MANSC1: variants seen among roughly 807,000 people sequenced by gnomAD.
The protein encoded by MANSC1 is MANSC domain-containing protein 1.
In MANSC1, 13 loss-of-function variants were observed where a neutral mutation model predicts 14.1. That is an observed-to-expected ratio of 0.92 (90% CI 0.60 to 1.46). MANSC1 has a LOEUF of 1.46. Among genes scored for constraint, MANSC1 ranks in the 40% most tolerant of loss-of-function variants. The pLI is 0.00. For synonymous variants in MANSC1, 227 were observed against 200.7 expected (o/e 1.13, Z -1.11); for missense variants, 486 against 511.4 (o/e 0.95, Z 0.48).
At chr12:12,333,266 T>C (rs1050978443) in intron 3 of MANSC1, among the ~76,000 whole-genome samples, 2 of 151,868 alleles carry the variant, frequency 1.3e-5, no homozygotes, top group African/African-American at 4.8e-5. Flanking sequence ...AGGCTGGTCT[T>C]GAACTCCTGG....
At position 12,328,143 on chromosome 12, in the gene MANSC1, T is replaced by A. The variant is rs1395701822; in HGVS notation, c.*1884A>T. On this transcript the variant is annotated 3_prime_UTR_variant, in exon 4 of 4. Transcript: ENST00000535902. ...GAGGTATCAAACTGACCCAGGGGAC[T>A]TCTGGACTCTTTGTTACCTCACCTA... is the stretch of plus-strand genomic sequence containing the variant. 1 of 150,578 alleles carries A rather than the reference T, an allele frequency of 6.6e-6. No homozygotes were observed. Among genetic ancestry groups the A allele is most frequent in the Non-Finnish European group, 1.5e-5 (1 of 67,358 alleles). The allele number at this position is 150,578 out of a possible 1,614,324, so 9.3% of individuals were successfully genotyped here.
chr12:12,336,207 C>T (rs1862857466), intron 3 of MANSC1, among the ~76,000 whole-genome samples: 1 of 152,138 alleles, frequency 6.6e-6, no homozygotes, highest in Admixed American at 6.6e-5. Flanking sequence ...CTGGCCCTCC[C>T]CACCGTTTTG....
intron 3 of MANSC1, among the ~76,000 whole-genome samples, chr12:12,333,899 A>T (rs1862824052): frequency 6.6e-6 from 1 of 152,192 alleles, no homozygotes; most frequent in Non-Finnish European, 1.5e-5. Flanking sequence ...TAGAGAATGA[A>T]CAGAATCCAC....
In MANSC1 at chr12:12,348,731, A is replaced by AAC. The variant is rs138327124; in HGVS notation, c.-101+1345_-101+1346dup. Among the ~76,000 whole-genome samples, 182 of 151,852 alleles carry AAC rather than the reference A, an allele frequency of 1.2e-3. 1 individual carries two copies. The highest frequency in any genetic ancestry group is 1.8e-3 in the Non-Finnish European group (119 of 67,930). ...AAAGGTAAAACCAAAAAAAAAAAAA[A>AAC]ACCCAGAAACAAACCAGTATATGGT... On this transcript the variant is annotated intron_variant, in intron 1 of 3. Coordinates refer to ENST00000535902, the MANE Select transcript of MANSC1 (RefSeq NM_018050.4).
At chr12:12,331,827 T>C (rs1018383774) in intron 3 of MANSC1, among the ~76,000 whole-genome samples, 1 of 152,114 alleles carries the variant, frequency 6.6e-6, no homozygotes, top group Non-Finnish European at 1.5e-5. Context: ...TCCAGCACTG[T>C]GCGCAGAGGA....
intron 3 of MANSC1, among the ~76,000 whole-genome samples, chr12:12,335,379 C>T (rs550210203): frequency 6.6e-6 from 1 of 150,706 alleles, no homozygotes; most frequent in Non-Finnish European, 1.5e-5. Context: ...CTTGCTCTGT[C>T]GTGCAGGCTA....
chr12:12,343,539 T>C, intron 1 of MANSC1, 125 bp from the exon 2 acceptor site: 1 of 502,456 alleles, frequency 2.0e-6, no homozygotes, highest in Non-Finnish European at 3.6e-6. Flanking sequence ...AAGATACACG[T>C]ATTTTTTGTT....
rs1863061543 is a variant in MANSC1 at position 12,350,240 on chromosome 12, A to G, written c.-263T>C. Reference sequence around the variant, plus strand: ...GGCCTGGCGGGTTTTGTGGTTAGCAAGTTCCTGCTTCCGTCGCAGCGACGG... The same window carrying G: ...GGCCTGGCGGGTTTTGTGGTTAGCAGGTTCCTGCTTCCGTCGCAGCGACGG... On this transcript the variant is annotated 5_prime_UTR_variant, in exon 1 of 4. Coordinates refer to ENST00000535902, the MANE Select transcript of MANSC1 (RefSeq NM_018050.4). 6.6e-6 allele frequency: 1 copy of G among 152,190 alleles called. No homozygotes were observed. Among genetic ancestry groups the G allele is most frequent in the African/African-American group, 2.4e-5 (1 of 41,450 alleles). The allele number at this position is 152,190 out of a possible 1,614,324, so 9.4% of individuals were successfully genotyped here.
At chr12:12,337,829 A>G (rs1338818284) in intron 3 of MANSC1, among the ~76,000 whole-genome samples, 2 of 152,224 alleles carry the variant, frequency 1.3e-5, no homozygotes, top group Non-Finnish European at 2.9e-5. Flanking sequence ...ATTCTGAATT[A>G]ATATGTAAGT....
chr12:12,340,022 G>A (rs980586200), intron 2 of MANSC1, among the ~76,000 whole-genome samples: 1 of 152,014 alleles, frequency 6.6e-6, no homozygotes. Context: ...ATGTTGCCTA[G>A]GCTGATCTTG....
chr12:12,344,438 C>G (rs1862977096), intron 1 of MANSC1, among the ~76,000 whole-genome samples: 1 of 149,778 alleles, frequency 6.7e-6, no homozygotes, highest in South Asian at 2.1e-4. Flanking sequence ...GCAGAAAATG[C>G]GAAAAAGAGA....
Position 12,329,803 on chromosome 12 carries a change from GA to G in MANSC1, c.*223del. The G allele has an allele frequency of 4.1e-6, 2 of 491,708 alleles. No individual in the cohort carries two copies. Among genetic ancestry groups the G allele is most frequent in the Non-Finnish European group, 7.2e-6 (2 of 277,678 alleles). 30.5% of individuals were successfully genotyped at this position (491,708 alleles called of 1,614,324 possible). On this transcript the variant is annotated 3_prime_UTR_variant, in exon 4 of 4. Coordinates refer to ENST00000535902, the MANE Select transcript of MANSC1 (RefSeq NM_018050.4). ...GGAGGCTGAGGCAGGAGAATCGCTT[GA>G]ACCCAGGAGACGGAGGTTGCGGTGA...
At position 12,341,816 on chromosome 12, in the gene MANSC1, C is replaced by T. The variant is rs150256839; in HGVS notation, c.223+1276G>A. 1.8e-4 allele frequency among the ~76,000 whole-genome samples: 27 copies of T among 152,336 alleles called. No individual in the cohort carries two copies. In the East Asian group the frequency reaches 4.8e-3, roughly 27 times the overall value. On this transcript the variant is annotated intron_variant, in intron 2 of 3. Coordinates refer to ENST00000535902, the MANE Select transcript of MANSC1 (RefSeq NM_018050.4). The stretch of plus-strand genomic sequence containing the variant: ...GACTAGCCTGACCAACATGGTGAAA[C>T]CACGTCTCTATTGAAAATAGTAAAA...
At chr12:12,331,984 G>A (rs763352522) in intron 3 of MANSC1, among the ~76,000 whole-genome samples, 44 of 152,072 alleles carry the variant, frequency 2.9e-4, no homozygotes, top group African/African-American at 1.0e-3. Flanking sequence ...ATACAGTCCC[G>A]ATGCCTGCTG....
intron 3 of MANSC1, among the ~76,000 whole-genome samples, chr12:12,337,422 G>A (rs147477002): frequency 0.02 from 3,105 of 152,030 alleles, 49 homozygotes; most frequent in Non-Finnish European, 0.029. Context: ...TTAGCCGGGC[G>A]TGGTGGCGGG....
intron 2 of MANSC1, among the ~76,000 whole-genome samples, chr12:12,341,158 G>A (rs749162719): frequency 7.2e-5 from 11 of 152,148 alleles, no homozygotes; most frequent in African/African-American, 1.4e-4. Context: ...TGCCTGACTC[G>A]GCTACTGCTA....
At chr12:12,338,058 C>G (rs1201944555) in intron 3 of MANSC1, among the ~76,000 whole-genome samples, 1 of 152,158 alleles carries the variant, frequency 6.6e-6, no homozygotes, top group Non-Finnish European at 1.5e-5. Context: ...AACAAATATA[C>G]TAGAACTTTC....
intron 1 of MANSC1, among the ~76,000 whole-genome samples, chr12:12,345,403 A>G (rs1215751162): frequency 6.6e-6 from 1 of 152,132 alleles, no homozygotes; most frequent in East Asian, 1.9e-4. Context: ...CTTCTCCTTA[A>G]GAAGTATCAA....
rs191924053 is a variant in MANSC1, at chr12:12,331,079, C to A, written c.365-121G>T. 7.5e-6 allele frequency: 5 copies of A among 664,360 alleles called. No homozygotes were observed. The South Asian group carries it at 8.1e-5, about 11-fold the overall frequency. The allele number at this position is 664,360 out of a possible 1,614,324, so 41.2% of individuals were successfully genotyped here. On this transcript the variant is annotated intron_variant, in intron 3 of 3. Transcript: ENST00000535902. ...TAAACTGGTTGGCCATGGTGGCTCA[C>A]GCCTATAATCCCAGCACTTTGGGAG...
Sources: allele counts gnomAD v4.1 joint callset (sites outside exome capture counted in the v4.1 genomes callset), GRCh38; gene constraint gnomAD v4.1.1; transcripts MANE v1.5; gene names NCBI Gene and HGNC (gene_info 2026-07-23, HGNC 2026-07-21).